The following FAM13A variants were observed in gnomAD, a reference collection of about 807,000 sequenced individuals.
FAM13A encodes the protein protein FAM13A.
FAM13A carries 76 observed loss-of-function variants against 129.6 expected under a neutral mutation model. That is an observed-to-expected ratio of 0.59 (90% confidence interval 0.49 to 0.71). The LOEUF is 0.71. Ranked by LOEUF, FAM13A falls within the 30% of genes least tolerant of loss-of-function variation. The pLI is 0.00. For missense variants in FAM13A, 1,108 were observed against 1,249.3 expected (o/e 0.89, Z 1.70); for synonymous variants, 443 against 449.9 (o/e 0.98, Z 0.20).
At chr4:88,951,441 T>A (rs1756931336) in intron 4 of FAM13A, among the ~76,000 whole-genome samples, 1 of 152,216 alleles carries the variant, frequency 6.6e-6, no homozygotes, top group Non-Finnish European at 1.5e-5. Context: ...AGGATCTTGC[T>A]TATAGAAACT....
chr4:88,775,452 T>C (rs935360864), intron 11 of FAM13A, among the ~76,000 whole-genome samples: 1 of 152,088 alleles, frequency 6.6e-6, no homozygotes, highest in African/African-American at 2.4e-5. Context: ...ACTCCTGTAA[T>C]CCCAGCACTG....
At chr4:88,927,165 T>C (rs1216001301) in intron 5 of FAM13A, among the ~76,000 whole-genome samples, 1 of 152,100 alleles carries the variant, frequency 6.6e-6, no homozygotes, top group African/African-American at 2.4e-5. Flanking sequence ...CTGATAGAGA[T>C]CTTTCACCTT....
intron 11 of FAM13A, among the ~76,000 whole-genome samples, chr4:88,772,819 A>G (rs1193919682): frequency 6.6e-6 from 1 of 152,204 alleles, no homozygotes; most frequent in Non-Finnish European, 1.5e-5. Context: ...TGAAAGTAAA[A>G]AATCAGATGG....
intron 11 of FAM13A, among the ~76,000 whole-genome samples, chr4:88,778,078 T>G (rs142590179): frequency 6.6e-6 from 1 of 152,298 alleles, no homozygotes; most frequent in Non-Finnish European, 1.5e-5. Flanking sequence ...ATTCACTCCC[T>G]TGGTTATCTC....
At chr4:88,748,814 C>A in intron 17 of FAM13A, 138 bp downstream of exon 17, 1 of 726,840 alleles carries the variant, frequency 1.4e-6, no homozygotes, top group Admixed American at 1.8e-5. Context: ...GAAGTGGTCA[C>A]TCTGAATAGC....
intron 7 of FAM13A, among the ~76,000 whole-genome samples, chr4:88,823,710 G>A (rs1274685076): frequency 1.3e-5 from 2 of 152,200 alleles, no homozygotes; most frequent in Non-Finnish European, 2.9e-5. Flanking sequence ...TTTTCTAGAA[G>A]GAAAGCATGC....
At chr4:88,865,647 T>C (rs1740262237) in intron 6 of FAM13A, among the ~76,000 whole-genome samples, 2 of 152,186 alleles carry the variant, frequency 1.3e-5, no homozygotes, top group African/African-American at 2.4e-5. Context: ...AAGGGCCAGA[T>C]AGTAAATATT....
intron 10 of FAM13A, among the ~76,000 whole-genome samples, chr4:88,786,780 A>G (rs910070211): frequency 4.7e-4 from 72 of 152,150 alleles, no homozygotes; most frequent in Admixed American, 1.8e-3. Flanking sequence ...TTAAGCGAAA[A>G]AAAGTTTTTT....
rs779526161 is a variant in FAM13A at position 88,739,022 on chromosome 4, C to A, written c.2562+8G>T. 6.3e-7 allele frequency: 1 copy of A among 1,592,174 alleles called. No homozygotes were observed. The highest frequency in any genetic ancestry group is 1.1e-5 in the South Asian group (1 of 90,622). ...GTTGTACCAGCCACGGGAAGGTATT[C>A]TACTCACAATGATGGGTATGGTGTT... is the stretch of plus-strand genomic sequence containing the variant. On this transcript the variant is annotated splice_region_variant and intron_variant, in intron 20 of 23. Transcript: ENST00000264344.
chr4:89,031,236 G>A (rs1768640369), intron 1 of FAM13A, among the ~76,000 whole-genome samples: 1 of 151,962 alleles, frequency 6.6e-6, no homozygotes, highest in African/African-American at 2.4e-5. Flanking sequence ...TGGTGATCAA[G>A]CAGCTAAAAA....
chr4:88,888,936 CAAAAA>C (rs896287129), intron 6 of FAM13A, among the ~76,000 whole-genome samples: 1 of 65,580 alleles, frequency 1.5e-5, no homozygotes, highest in Non-Finnish European at 3.0e-5. Flanking sequence ...ACTCCGTCTC[CAAAAA>C]AAAAAAAAAA....
intron 11 of FAM13A, among the ~76,000 whole-genome samples, chr4:88,776,634 C>T (rs1341288985): frequency 1.3e-5 from 2 of 152,106 alleles, no homozygotes; most frequent in Admixed American, 1.3e-4. Flanking sequence ...TATAAATAGC[C>T]TTGTGGTGAG....
intron 6 of FAM13A, among the ~76,000 whole-genome samples, chr4:88,857,471 T>TA (rs1396237601): frequency 1.3e-5 from 2 of 150,978 alleles, no homozygotes; most frequent in South Asian, 2.1e-4. Flanking sequence ...GTACTAAAAA[T>TA]AAAAAAAATT....
chr4:88,733,594 C>T (rs1384436524), intron 21 of FAM13A, among the ~76,000 whole-genome samples: 1 of 152,194 alleles, frequency 6.6e-6, no homozygotes, highest in African/African-American at 2.4e-5. Context: ...GTTTTCCGCT[C>T]CCTCTCTTCC....
chr4:88,747,823 G>A lies in FAM13A; in HGVS notation c.2190C>T (p.Asp730=). ...KESKLKISEE[D]LTPRMRQRSN... is the part of the protein sequence containing the mutation. ...TTCGCTGCCGCATCCTGGGAGTTAG[G>A]TCCTCTTCAGATATCTTTAGTTTTG... The change falls in exon 18 of 24, where the codon GAC becomes GAT. Residue 730 remains aspartate (D), a synonymous_variant. Transcript: ENST00000264344. 1 of 1,613,578 alleles carries A rather than the reference G, an allele frequency of 6.2e-7. No individual in the cohort carries two copies.
intron 7 of FAM13A, among the ~76,000 whole-genome samples, chr4:88,829,278 C>T (rs1312352376): frequency 6.6e-6 from 1 of 152,076 alleles, no homozygotes; most frequent in Non-Finnish European, 1.5e-5. Flanking sequence ...CTCATCCCTA[C>T]AAAAAAGAAA....
At chr4:89,029,015 T>C (rs192968012) in intron 2 of FAM13A, among the ~76,000 whole-genome samples, 2 of 152,340 alleles carry the variant, frequency 1.3e-5, no homozygotes, top group Non-Finnish European at 2.9e-5. Context: ...CTTTACATCA[T>C]AGTTTTTTGG....
rs546104042 is a variant in FAM13A at position 88,840,915 on chromosome 4, G to T, written c.1007+10105C>A. On this transcript the variant is annotated intron_variant, in intron 7 of 23. Transcript: ENST00000264344. ...ATATTCTTTTCAGCAAATGGTGCTG[G>T]GACAACTGGATATACACATGCAAAA... Among the ~76,000 whole-genome samples the T allele has an allele frequency of 2.0e-5, 3 of 152,148 alleles. No individual in the cohort carries two copies. In the South Asian group the frequency reaches 6.2e-4, roughly 32 times the overall value.
chr4:89,011,713 T>G (rs1765760362), intron 3 of FAM13A, among the ~76,000 whole-genome samples: 1 of 152,212 alleles, frequency 6.6e-6, no homozygotes, highest in East Asian at 1.9e-4. Flanking sequence ...TTTTTGCTCA[T>G]GTCCTTAACT....
Sources: gnomAD v4.1 joint callset for allele counts (sites outside exome capture counted in the v4.1 genomes callset) on GRCh38, gnomAD v4.1.1 for gene constraint, MANE v1.5 for transcripts, NCBI Gene and HGNC (gene_info 2026-07-23, HGNC 2026-07-21) for gene names.